The following EMC1 variants were observed in gnomAD, a reference collection of about 807,000 sequenced individuals.
The protein encoded by EMC1 is ER membrane protein complex subunit 1.
In EMC1, 103 loss-of-function variants were observed where a neutral mutation model predicts 128.8. The observed-to-expected ratio is 0.80, with a 90% CI of 0.68 to 0.94. The LOEUF (loss-of-function observed/expected upper bound fraction) is 0.94. Among genes scored for constraint, EMC1 ranks in the 40% least tolerant of loss-of-function variants. The probability of loss-of-function intolerance (pLI) is 0.00; values close to 1 mark genes in which losing one functional copy is unlikely to be tolerated. For missense variants in EMC1, 1,083 were observed against 1,250.6 expected (o/e 0.87, Z 2.02); for synonymous variants, 442 against 490.4 (o/e 0.90, Z 1.30).
rs1196151515 is a variant in EMC1 at position 19,238,532 on chromosome 1, C to A, written c.1089+263G>T. Among the ~76,000 whole-genome samples the A allele has an allele frequency of 2.0e-5, 3 of 152,194 alleles. No homozygotes were observed. The East Asian group carries it at 5.8e-4, about 29-fold the overall frequency. On this transcript the variant is annotated intron_variant, in intron 10 of 22. Transcript: ENST00000477853. ...GGTAACTGCACAGAGTACTACTCAACTGTGCCAGCCAGGATCCCAAAAGAA... is the reference window on the plus strand; with the variant it reads ...GGTAACTGCACAGAGTACTACTCAAATGTGCCAGCCAGGATCCCAAAAGAA...
At chr1:19,249,402 A>G (rs2093646871) in intron 1 of EMC1, among the ~76,000 whole-genome samples, 1 of 152,180 alleles carries the variant, frequency 6.6e-6, no homozygotes, top group Non-Finnish European at 1.5e-5. Flanking sequence ...AGATACACAA[A>G]TATTTACCAT....
intron 5 of EMC1, 101 bp downstream of exon 5, chr1:19,242,244 C>T (rs1417892654): frequency 7.8e-7 from 1 of 1,289,070 alleles, no homozygotes; most frequent in Non-Finnish European, 1.1e-6. Flanking sequence ...CAACAAGAGA[C>T]AGGCCTGGGT....
At position 19,235,194 on chromosome 1, in the gene EMC1, C is replaced by G; in HGVS notation, c.1368G>C (p.Glu456Asp). ...CCCCAGTCAGGGGGAGGTCCACCATCTCTAGGCACACCACTTCTGCCAGGG... is the reference window on the plus strand; with the variant it reads ...CCCCAGTCAGGGGGAGGTCCACCATGTCTAGGCACACCACTTCTGCCAGGG... ...EESLAEVVCL[E>D]MVDLPLTGAQ... The change falls in exon 13 of 23, where the codon GAG becomes GAC. Residue 456 changes from glutamate (E) to aspartate (D), a missense_variant. Transcript: ENST00000477853. 1 of 1,614,098 alleles carries G rather than the reference C, an allele frequency of 6.2e-7. No individual in the cohort carries two copies. The highest frequency in any genetic ancestry group is 1.1e-5 in the South Asian group (1 of 91,044).
chr1:19,247,064 A>C (rs1374290085), intron 1 of EMC1, among the ~76,000 whole-genome samples: 1 of 152,240 alleles, frequency 6.6e-6, no homozygotes, highest in Non-Finnish European at 1.5e-5. Flanking sequence ...GAGGCCTCAG[A>C]GGAAACAAAA....
intron 15 of EMC1, 23 bp downstream of exon 15, chr1:19,232,601 C>A (rs993042541): frequency 6.2e-7 from 1 of 1,613,540 alleles, no homozygotes; most frequent in Non-Finnish European, 8.5e-7. Flanking sequence ...GAGTCTGGCT[C>A]AAGTCAGAGC....
At position 19,245,035 on chromosome 1, in the gene EMC1, G is replaced by GA. The variant is rs771922414; in HGVS notation, c.96-6dup. On this transcript the variant is annotated splice_region_variant and splice_polypyrimidine_tract_variant and intron_variant, in intron 1 of 22. Coordinates refer to ENST00000477853, the MANE Select transcript of EMC1 (RefSeq NM_015047.3). ...TTCCCAACATATTGCTGTCTCCTGA[G>GA]AAAAAAAGAGTACAGGGGACCATAA... 7.5e-6 allele frequency: 12 copies of GA among 1,609,888 alleles called. No homozygotes were observed. The highest frequency in any genetic ancestry group is 6.7e-5 in the East Asian group (3 of 44,866).
At chr1:19,239,677 C>T (rs1189553450) in intron 8 of EMC1, 141 bp downstream of exon 8, 16 of 793,692 alleles carry the variant, frequency 2.0e-5, no homozygotes, top group Non-Finnish European at 3.1e-5. Flanking sequence ...GCTACCTACC[C>T]CCTCTCAAAC....
chr1:19,241,283 T>TTTG (rs1325899110), intron 5 of EMC1, 141 bp from the exon 6 acceptor site: 3 of 873,230 alleles, frequency 3.4e-6, no homozygotes, highest in South Asian at 3.5e-5. Context: ...TTTGGGGGCT[T>TTTG]TTGTTGTTGT....
chr1:19,242,540 G>C, intron 4 of EMC1, 67 bp from the exon 5 acceptor site: 1 of 1,577,982 alleles, frequency 6.3e-7, no homozygotes, highest in Non-Finnish European at 8.7e-7. Flanking sequence ...AGACAGTCCA[G>C]AACAGTACCC....
intron 18 of EMC1, among the ~76,000 whole-genome samples, chr1:19,225,097 TTTTC>T (rs758031861): frequency 6.6e-6 from 1 of 152,226 alleles, no homozygotes; most frequent in Admixed American, 6.5e-5. Flanking sequence ...TACCTATTTA[TTTTC>T]TTTATTATTA....
rs370564132 is a variant in EMC1 at position 19,233,620 on chromosome 1, G to A, written c.1433-485C>T. On this transcript the variant is annotated intron_variant, in intron 13 of 22. Transcript: ENST00000477853. ...GCTGTTTAACCTGCACCCAACAGAC[G>A]TACTTGCAACGAGTTCCCAGGACCA... is the stretch of plus-strand genomic sequence containing the variant. Among the ~76,000 whole-genome samples the A allele has an allele frequency of 5.9e-5, 9 of 152,202 alleles. No homozygotes were observed. The South Asian group carries it at 1.0e-3, about 18-fold the overall frequency.
intron 1 of EMC1, 134 bp from the exon 2 acceptor site, chr1:19,245,164 G>T: frequency 1.0e-6 from 1 of 965,352 alleles, no homozygotes; most frequent in Non-Finnish European, 1.5e-6. Context: ...TTAGCTGGGC[G>T]CAGTGGCTCA....
intron 18 of EMC1, among the ~76,000 whole-genome samples, chr1:19,226,746 T>G (rs710877): frequency 0.32 from 47,503 of 150,018 alleles, 8,020 homozygotes; most frequent in East Asian, 0.67. Context: ...TTTTTTTTTT[T>G]GGGGGTGGTA....
chr1:19,231,444 G>A, intron 15 of EMC1, 22 bp from the exon 16 acceptor site: 1 of 1,604,608 alleles, frequency 6.2e-7, no homozygotes, highest in Non-Finnish European at 8.5e-7. Flanking sequence ...AAACTGTCAG[G>A]CTCCACCAAC....
intron 15 of EMC1, among the ~76,000 whole-genome samples, chr1:19,231,659 A>T (rs538261656): frequency 6.6e-6 from 1 of 152,178 alleles, no homozygotes; most frequent in African/African-American, 2.4e-5. Context: ...TCTCTCTATC[A>T]CCCAAGCTGG....
At chr1:19,228,255 C>G (rs927039263) in intron 17 of EMC1, among the ~76,000 whole-genome samples, 1 of 151,678 alleles carries the variant, frequency 6.6e-6, no homozygotes, top group Non-Finnish European at 1.5e-5. Context: ...GAGGCGAACG[C>G]TCAATAGTAT....
intron 2 of EMC1, 153 bp downstream of exon 2, chr1:19,244,753 G>T: frequency 1.3e-6 from 1 of 765,074 alleles, no homozygotes; most frequent in Non-Finnish European, 2.1e-6. Flanking sequence ...ATTCAAAGAT[G>T]GTAAGACTGA....
chr1:19,217,241 T>C lies in EMC1; in HGVS notation c.*2062A>G, dbSNP rs899694996. On this transcript the variant is annotated 3_prime_UTR_variant, in exon 23 of 23. Coordinates refer to ENST00000477853, the MANE Select transcript of EMC1 (RefSeq NM_015047.3). ...AAAAGATTTAAATTGGACTGTGGCA[T>C]TAGCATTAACTATTTTAAGCACTTG... 2.0e-5 allele frequency: 3 copies of C among 152,286 alleles called. No individual in the cohort carries two copies. Among genetic ancestry groups the C allele is most frequent in the Non-Finnish European group, 4.4e-5 (3 of 68,044 alleles). 9.4% of individuals were successfully genotyped at this position (152,286 alleles called of 1,614,324 possible).
Position 19,229,950 on chromosome 1 carries a change from C to CT in EMC1, c.2064+893dup, listed in dbSNP as rs546938793. ...TTAAACTCTATGCCTCTCAAAAGGC[C>CT]TTACAGGACAGGATGGGAGAGCTGT... On this transcript the variant is annotated intron_variant, in intron 17 of 22. Coordinates refer to ENST00000477853, the MANE Select transcript of EMC1 (RefSeq NM_015047.3). 2.6e-3 allele frequency among the ~76,000 whole-genome samples: 392 copies of CT among 152,292 alleles called. 3 individuals are homozygous for CT. Among genetic ancestry groups the CT allele is most frequent in the South Asian group, 9.7e-3 (47 of 4,824 alleles).
Sources: gnomAD v4.1 joint callset for allele counts (sites outside exome capture counted in the v4.1 genomes callset) on GRCh38, gnomAD v4.1.1 for gene constraint, MANE v1.5 for transcripts, NCBI Gene and HGNC (gene_info 2026-07-23, HGNC 2026-07-21) for gene names.